NTRK2: variants seen among roughly 807,000 people sequenced by gnomAD.
NTRK2 encodes neurotrophic receptor tyrosine kinase 2.
In NTRK2, 13 loss-of-function variants were observed where a neutral mutation model predicts 94.5. That is an observed-to-expected ratio of 0.14 (90% CI 0.09 to 0.22). The LOEUF (loss-of-function observed/expected upper bound fraction) is 0.22, where lower values mean the gene tolerates loss of function less well. Ranked by LOEUF, NTRK2 falls within the 10% of genes least tolerant of loss-of-function variation. The probability of loss-of-function intolerance (pLI) is 1.00; values close to 1 mark genes in which losing one functional copy is unlikely to be tolerated. For synonymous variants in NTRK2, 372 were observed against 407.4 expected, an observed-to-expected ratio of 0.91 and a Z score of 1.05; for missense variants, 639 against 1,071.2, an observed-to-expected ratio of 0.60 and a Z score of 5.63.
At chr9:84,994,589 A>G (rs1250265027) in intron 17 of NTRK2, among the ~76,000 whole-genome samples, 1 of 152,166 alleles carries the variant, frequency 6.6e-6, no homozygotes, top group Middle Eastern at 3.2e-3. Context: ...AGATCACTGC[A>G]GCGCTTCCAG....
intron 12 of NTRK2, among the ~76,000 whole-genome samples, chr9:84,787,152 G>T (rs997231538): frequency 6.6e-6 from 1 of 151,958 alleles, no homozygotes; most frequent in South Asian, 2.1e-4. Flanking sequence ...ACAAAAATTG[G>T]CCAGGCGTGG....
intron 14 of NTRK2, chr9:84,871,989 A>G: frequency 6.5e-7 from 1 of 1,541,006 alleles, no homozygotes; most frequent in Non-Finnish European, 8.7e-7. Flanking sequence ...TGCCTTTCCA[A>G]GACAAAGCAG....
At chr9:84,752,285 T>C (rs921847269) in intron 12 of NTRK2, among the ~76,000 whole-genome samples, 200 bp downstream of exon 12, 1 of 152,202 alleles carries the variant, frequency 6.6e-6, no homozygotes. Context: ...CACTTTTCCA[T>C]GAGAACAGTT....
rs146345795 is a variant in NTRK2 at position 84,750,903 on chromosome 9, G to A, written c.1297-1083G>A. Among the ~76,000 whole-genome samples the A allele has an allele frequency of 2.0e-4, 30 of 152,284 alleles. No homozygotes were observed. The East Asian group carries it at 5.6e-3, about 28-fold the overall frequency. On this transcript the variant is annotated intron_variant, in intron 11 of 18. Transcript: ENST00000277120. ...CAGCAGCAATGGTAGCAGAGTGATC[G>A]CATTTCTATGTGTACCTCTGTCATC...
intron 11 of NTRK2, among the ~76,000 whole-genome samples, chr9:84,751,775 A>C (rs2064637871): frequency 6.6e-6 from 1 of 152,152 alleles, no homozygotes; most frequent in Admixed American, 6.5e-5. Context: ...CTCATTTGTA[A>C]AGTAGGCATA....
At chr9:84,876,999 G>T in intron 14 of NTRK2, 3 of 1,061,678 alleles carry the variant, frequency 2.8e-6, no homozygotes, top group Middle Eastern at 4.2e-4. Context: ...AGATATTGGT[G>T]ATACATAGCT....
At chr9:84,916,802 T>G (rs2077407572) in intron 14 of NTRK2, among the ~76,000 whole-genome samples, 1 of 152,220 alleles carries the variant, frequency 6.6e-6, no homozygotes. Context: ...TGATCTATAT[T>G]GTTAATTCCT....
intron 12 of NTRK2, among the ~76,000 whole-genome samples, chr9:84,788,615 G>T (rs543861306): frequency 6.6e-6 from 1 of 152,174 alleles, no homozygotes; most frequent in Non-Finnish European, 1.5e-5. Flanking sequence ...TCTGTGCAGA[G>T]GTTTGAGTGT....
chr9:84,716,402 G>A (rs1469411677), intron 6 of NTRK2, among the ~76,000 whole-genome samples: 1 of 152,060 alleles, frequency 6.6e-6, no homozygotes, highest in African/African-American at 2.4e-5. Flanking sequence ...AATTACTTTT[G>A]GTTTCAACCA....
chr9:84,863,852 G>A (rs2075443789), intron 13 of NTRK2, among the ~76,000 whole-genome samples: 1 of 152,178 alleles, frequency 6.6e-6, no homozygotes, highest in African/African-American at 2.4e-5. Context: ...AAAGTGAAAA[G>A]GCTTTTGAAA....
chr9:84,767,512 T>A (rs1408423835), intron 12 of NTRK2, among the ~76,000 whole-genome samples: 1 of 152,238 alleles, frequency 6.6e-6, no homozygotes, highest in African/African-American at 2.4e-5. Flanking sequence ...TCTGAATTAA[T>A]CTTTCTTGAA....
chr9:85,026,114 A>C lies in NTRK2; in HGVS notation c.*4677A>C, dbSNP rs1007649060. 7.2e-5 allele frequency: 11 copies of C among 152,120 alleles called. No homozygotes were observed. The highest frequency in any genetic ancestry group is 1.2e-4 in the Non-Finnish European group (10 of 83,914). The allele number at this position is 152,120 out of a possible 1,614,324, so 9.4% of individuals were successfully genotyped here. A position where few individuals can be genotyped will look rare whatever the true frequency, so the allele number is the denominator to read the frequency against. On this transcript the variant is annotated 3_prime_UTR_variant, in exon 19 of 19. Transcript: ENST00000277120. ...TATATACTTTTGCTCCATTCAGCAC[A>C]AACACAAAGCAAAGCAAAAAAAAAA...
At chr9:84,791,658 A>G (rs2068747705) in intron 12 of NTRK2, among the ~76,000 whole-genome samples, 1 of 152,226 alleles carries the variant, frequency 6.6e-6, no homozygotes, top group South Asian at 2.1e-4. Context: ...TTGCTCGTAG[A>G]AGTAATGTTT....
At position 85,023,048 on chromosome 9, in the gene NTRK2, A is replaced by T. The variant is rs766852156; in HGVS notation, c.*1611A>T. ...CCTTCACTCCATTCAAAAAGTCAAA[A>T]TACAAAATTTGGCACAGCATGCCAA... On this transcript the variant is annotated 3_prime_UTR_variant, in exon 19 of 19. Transcript: ENST00000277120. 36 of 232,934 alleles carry T rather than the reference A, an allele frequency of 1.5e-4. No homozygotes were observed. Among genetic ancestry groups the T allele is most frequent in the Non-Finnish European group, 2.8e-4 (33 of 117,940 alleles). 14.4% of individuals were successfully genotyped at this position (232,934 alleles called of 1,614,324 possible).
At chr9:85,013,666 A>AT (rs1271891601) in intron 17 of NTRK2, among the ~76,000 whole-genome samples, 9 of 152,224 alleles carry the variant, frequency 5.9e-5, no homozygotes, top group African/African-American at 2.2e-4. Flanking sequence ...AGGTTCATGA[A>AT]TTTTTAAGGA....
chr9:84,951,103 T>C (rs1247497210), intron 16 of NTRK2, among the ~76,000 whole-genome samples: 1 of 152,218 alleles, frequency 6.6e-6, no homozygotes. Context: ...TCTGGATCAT[T>C]TTTACCCTCT....
At chr9:84,798,371 A>G (rs1248580946) in intron 12 of NTRK2, among the ~76,000 whole-genome samples, 1 of 152,172 alleles carries the variant, frequency 6.6e-6, no homozygotes, top group Non-Finnish European at 1.5e-5. Flanking sequence ...TAGGAGGGGT[A>G]TTAATTTTCA....
chr9:85,007,141 G>T (rs980659391), intron 17 of NTRK2, among the ~76,000 whole-genome samples: 4 of 152,334 alleles, frequency 2.6e-5, no homozygotes, highest in African/African-American at 9.6e-5. Context: ...CAGCTGACTG[G>T]GGCTGTGAGG....
At chr9:84,908,936 T>C (rs2077156587) in intron 14 of NTRK2, among the ~76,000 whole-genome samples, 1 of 152,198 alleles carries the variant, frequency 6.6e-6, no homozygotes, top group African/African-American at 2.4e-5. Flanking sequence ...ATGTGCCCTT[T>C]ACCCAGTTTC....
Sources: allele counts gnomAD v4.1 joint callset (sites outside exome capture counted in the v4.1 genomes callset), GRCh38; gene constraint gnomAD v4.1.1; transcripts MANE v1.5; gene names NCBI Gene and HGNC (gene_info 2026-07-23, HGNC 2026-07-21).